Variants in CBL observed in about 807,000 individuals in gnomAD.
The protein encoded by CBL is E3 ubiquitin-protein ligase CBL.
In CBL, 45 loss-of-function variants were observed where a neutral mutation model predicts 96.9. The ratio of observed to expected loss-of-function variants is 0.46; its 90% confidence interval spans 0.37 to 0.60. CBL has a LOEUF of 0.60. CBL is among the 20% of genes least tolerant of loss of function. The pLI is 0.00. For synonymous variants in CBL, 420 were observed against 426.8 expected (o/e 0.98, Z 0.20); for missense variants, 1,024 against 1,143.5 (o/e 0.90, Z 1.51).
At chr11:119,237,150 G>A (rs1040910388) in intron 2 of CBL, among the ~76,000 whole-genome samples, 1 of 152,300 alleles carries the variant, frequency 6.6e-6, no homozygotes, top group South Asian at 2.1e-4. Flanking sequence ...AATATACACA[G>A]GGTTCAGTAC....
intron 2 of CBL, among the ~76,000 whole-genome samples, chr11:119,260,310 C>G (rs999256908): frequency 2.7e-5 from 4 of 148,964 alleles, no homozygotes; most frequent in South Asian, 4.2e-4. Context: ...GTGGTGCAAT[C>G]TCGGCTCACT....
chr11:119,273,501 A>G (rs925833786), intron 3 of CBL, among the ~76,000 whole-genome samples: 4 of 152,130 alleles, frequency 2.6e-5, no homozygotes, highest in African/African-American at 7.2e-5. Flanking sequence ...CTCACTTGCA[A>G]CCTCTGCCTC....
At chr11:119,223,650 G>GTC (rs901431526) in intron 1 of CBL, among the ~76,000 whole-genome samples, 55 of 149,322 alleles carry the variant, frequency 3.7e-4, no homozygotes, top group Non-Finnish European at 6.7e-4. Context: ...TTGAGACAGC[G>GTC]TCTCTCTCTC....
In CBL at chr11:119,278,519, G is replaced by C. The variant is rs371679886; in HGVS notation, c.1237G>C (p.Gly413Arg). Residue 413 changes from glycine (G) to arginine (R), a missense_variant, in exon 9 of 16, where the codon GGT becomes CGT. Physicochemically the swap from Gly to Arg is moderately radical, Grantham distance 125. Transcript: ENST00000264033. ...TTTGCTTCTTCTGCAGGAATCAGAA[G>C]GTCAGGGCTGTCCTTTCTGCCGATG... Reference protein sequence around the residue: ...SCLTSWQESEGQGCPFCRCEI... With the variant: ...SCLTSWQESERQGCPFCRCEI... 1.2e-6 allele frequency: 2 copies of C among 1,614,058 alleles called. No homozygotes were observed. The highest frequency in any genetic ancestry group is 1.7e-6 in the Non-Finnish European group (2 of 1,179,932).
At chr11:119,293,502 A>G (rs1950043827) in intron 12 of CBL, among the ~76,000 whole-genome samples, 1 of 152,076 alleles carries the variant, frequency 6.6e-6, no homozygotes, top group African/African-American at 2.4e-5. Flanking sequence ...CAAAATATCT[A>G]TTTAGCTTTT....
In CBL at chr11:119,245,956, C is replaced by CTTTTTTT. The variant is rs71048054; in HGVS notation, c.443+13289_443+13295dup. 2.2e-3 allele frequency among the ~76,000 whole-genome samples: 118 copies of CTTTTTTT among 54,302 alleles called. 14 individuals are homozygous for CTTTTTTT. Among genetic ancestry groups the CTTTTTTT allele is most frequent in the Admixed American group, 4.0e-3 (11 of 2,728 alleles). The allele number at this position is 54,302 out of a possible 152,430, so 35.6% of individuals were successfully genotyped here. A position where few individuals can be genotyped will look rare whatever the true frequency, so the allele number is the denominator to read the frequency against. ...TAAGACAGACGCATTCTTTGCAAAT[C>CTTTTTTT]TTTTTTTTTTTTTTTTTTTTTTTTT... On this transcript the variant is annotated intron_variant, in intron 2 of 15. Coordinates refer to ENST00000264033, the MANE Select transcript of CBL (RefSeq NM_005188.4).
chr11:119,212,804 A>C (rs1012719218), intron 1 of CBL, among the ~76,000 whole-genome samples: 3 of 151,960 alleles, frequency 2.0e-5, no homozygotes, highest in African/African-American at 7.2e-5. Context: ...TGAGGTCAGC[A>C]GTTTGAGACC....
chr11:119,272,902 A>G (rs1008255668), intron 3 of CBL, among the ~76,000 whole-genome samples: 3 of 151,854 alleles, frequency 2.0e-5, no homozygotes, highest in Non-Finnish European at 4.4e-5. Flanking sequence ...TTGTCTCTCT[A>G]TATATTATAT....
rs183628387 is a variant in CBL at position 119,265,852 on chromosome 11, G to A, written c.444-5883G>A. ...AGCCTGACCAACATGGAGAAACTCC[G>A]TCTCTACTAAAAATATAAAATTAAC... is the stretch of plus-strand genomic sequence containing the variant. On this transcript the variant is annotated intron_variant, in intron 2 of 15. Coordinates refer to ENST00000264033, the MANE Select transcript of CBL (RefSeq NM_005188.4). 7.9e-5 allele frequency among the ~76,000 whole-genome samples: 12 copies of A among 152,084 alleles called. No homozygotes were observed. In the East Asian group the frequency reaches 1.7e-3, roughly 22 times the overall value.
intron 1 of CBL, among the ~76,000 whole-genome samples, chr11:119,214,828 C>T (rs1407588480): frequency 4.6e-5 from 7 of 151,042 alleles, no homozygotes; most frequent in Admixed American, 4.6e-4. Flanking sequence ...CTCCTTAGGA[C>T]CAAGGCTTTG....
intron 1 of CBL, among the ~76,000 whole-genome samples, chr11:119,213,277 A>G (rs1949332852): frequency 6.6e-6 from 1 of 152,298 alleles, no homozygotes; most frequent in Middle Eastern, 3.4e-3. Context: ...ATAGCATTTA[A>G]TTGGACTACT....
rs142299271 is a variant in CBL at position 119,270,416 on chromosome 11, T to TTATATATA, written c.444-1305_444-1298dup. 2.7e-3 allele frequency among the ~76,000 whole-genome samples: 202 copies of TTATATATA among 74,336 alleles called. 3 individuals are homozygous for TTATATATA. The highest frequency in any genetic ancestry group is 0.011 in the African/African-American group (183 of 16,058). 48.8% of individuals were successfully genotyped at this position (74,336 alleles called of 152,430 possible). ...GCACACCACCATGGTCAGCTAATTT[T>TTATATATA]TATATATATATATATATATATTTTT... is the stretch of plus-strand genomic sequence containing the variant. On this transcript the variant is annotated intron_variant, in intron 2 of 15. Transcript: ENST00000264033.
At chr11:119,206,844 G>T (rs1002556709) in intron 1 of CBL, among the ~76,000 whole-genome samples, 1 of 151,990 alleles carries the variant, frequency 6.6e-6, no homozygotes, top group South Asian at 2.1e-4. Context: ...GGGGTGCCGC[G>T]TTTGGGGTAG....
At chr11:119,225,052 GTGTGT>G (rs1949446903) in intron 1 of CBL, among the ~76,000 whole-genome samples, 5 of 148,564 alleles carry the variant, frequency 3.4e-5, no homozygotes, top group Non-Finnish European at 7.5e-5. Context: ...TCTTTGGGGT[GTGTGT>G]GTGTGTGTGT....
rs1268484791 is a variant in CBL at position 119,278,522 on chromosome 11, C to G, written c.1240C>G (p.Gln414Glu). The stretch of plus-strand genomic sequence containing the variant: ...GCTTCTTCTGCAGGAATCAGAAGGT[C>G]AGGGCTGTCCTTTCTGCCGATGTGA... Reference protein sequence around the residue: ...CLTSWQESEGQGCPFCRCEIK... With the variant: ...CLTSWQESEGEGCPFCRCEIK... Residue 414 changes from glutamine (Q) to glutamate (E), a missense_variant, in exon 9 of 16, where the codon CAG (glutamine) becomes GAG (glutamate). Gln to Glu is a conservative substitution (Grantham distance 29). Transcript: ENST00000264033. 2.5e-6 allele frequency: 4 copies of G among 1,613,952 alleles called. No homozygotes were observed. The highest frequency in any genetic ancestry group is 3.3e-5 in the Admixed American group (2 of 60,000).
intron 2 of CBL, among the ~76,000 whole-genome samples, chr11:119,258,637 ATCTT>A (rs374719432): frequency 3.6e-4 from 55 of 152,286 alleles, no homozygotes; most frequent in African/African-American, 1.3e-3. Context: ...TGATCTATGT[ATCTT>A]TCTTTATACC....
At chr11:119,271,302 A>G (rs1050759517) in intron 2 of CBL, among the ~76,000 whole-genome samples, 7 of 152,182 alleles carry the variant, frequency 4.6e-5, no homozygotes, top group African/African-American at 1.7e-4. Context: ...AAATTTGTCC[A>G]TGTTCATGCT....
chr11:119,209,064 T>A (rs1215666742), intron 1 of CBL, among the ~76,000 whole-genome samples: 1 of 152,216 alleles, frequency 6.6e-6, no homozygotes, highest in African/African-American at 2.4e-5. Context: ...TTCTAGTTGC[T>A]CTGAAAACGT....
At chr11:119,278,344 A>G in intron 8 of CBL, 47 bp downstream of exon 8, 1 of 1,608,580 alleles carries the variant, frequency 6.2e-7, no homozygotes, top group Non-Finnish European at 8.5e-7. Flanking sequence ...ATAACCTTGG[A>G]AAATTCGGTA....
Sources: gnomAD v4.1 joint callset for allele counts (sites outside exome capture counted in the v4.1 genomes callset) on GRCh38, gnomAD v4.1.1 for gene constraint, MANE v1.5 for transcripts, NCBI Gene and HGNC (gene_info 2026-07-23, HGNC 2026-07-21) for gene names.